Variants in TRIM2 observed in about 807,000 individuals in gnomAD.
The protein encoded by TRIM2 is tripartite motif-containing protein 2.
Under a neutral mutation model 75.2 loss-of-function variants are expected in TRIM2, and 20 were observed. The ratio of observed to expected loss-of-function variants is 0.27; its 90% confidence interval spans 0.19 to 0.39. The LOEUF (loss-of-function observed/expected upper bound fraction) is 0.39, where lower values mean the gene tolerates loss of function less well. TRIM2 is among the 10% of genes least tolerant of loss of function. The pLI is 1.00. For synonymous variants in TRIM2, 373 were observed against 388.3 expected (o/e 0.96, Z 0.46); for missense variants, 660 against 990.8 (o/e 0.67, Z 4.48).
intron 1 of TRIM2, among the ~76,000 whole-genome samples, chr4:153,156,478 C>T (rs1027352734): frequency 3.3e-5 from 5 of 152,154 alleles, no homozygotes; most frequent in African/African-American, 1.2e-4. Context: ...TCCCCCACAT[C>T]CGCCACTCAC....
intron 1 of TRIM2, among the ~76,000 whole-genome samples, chr4:153,162,337 G>A (rs754457714): frequency 6.6e-6 from 1 of 152,180 alleles, no homozygotes; most frequent in African/African-American, 2.4e-5. Context: ...AGTCCAATCT[G>A]TAGGATGGGG....
chr4:153,267,757 CTCTT>C (rs145405426), intron 1 of TRIM2, among the ~76,000 whole-genome samples: 12,671 of 151,942 alleles, frequency 0.083, 678 homozygotes, highest in Middle Eastern at 0.13. Context: ...TTCCTTCTCT[CTCTT>C]TCTTTTCCTT....
At chr4:153,259,695 A>T (rs1752934566) in intron 1 of TRIM2, among the ~76,000 whole-genome samples, 1 of 152,144 alleles carries the variant, frequency 6.6e-6, no homozygotes, top group Admixed American at 6.6e-5. Context: ...TTTATTACTT[A>T]TATAAAGGCT....
intron 1 of TRIM2, among the ~76,000 whole-genome samples, chr4:153,230,606 A>AAT (rs1293702449): frequency 6.6e-6 from 1 of 152,248 alleles, no homozygotes; most frequent in Non-Finnish European, 1.5e-5. Context: ...AAATATGGGG[A>AAT]CTGTCAGTTT....
At chr4:153,241,859 T>C (rs1201143831) in intron 1 of TRIM2, among the ~76,000 whole-genome samples, 1 of 152,212 alleles carries the variant, frequency 6.6e-6, no homozygotes, top group Non-Finnish European at 1.5e-5. Flanking sequence ...CCCAGGATGC[T>C]GCTAGGAGAG....
Position 153,188,214 on chromosome 4 carries a change from C to A in TRIM2, c.-49+34944C>A, listed in dbSNP as rs541776441. On this transcript the variant is annotated intron_variant, in intron 1 of 11. Transcript: ENST00000437508. ...GTGGCTCACGCCTGTAATCCTAACA[C>A]CTTGGGAGTCTTCAGTGGGTGGATT... 3.9e-5 allele frequency among the ~76,000 whole-genome samples: 6 copies of A among 152,282 alleles called. No homozygotes were observed. The East Asian group carries it at 9.6e-4, about 24-fold the overall frequency.
intron 1 of TRIM2, among the ~76,000 whole-genome samples, chr4:153,265,920 A>G (rs1442860354): frequency 6.6e-6 from 1 of 152,180 alleles, no homozygotes; most frequent in Non-Finnish European, 1.5e-5. Context: ...GGTTTTGATT[A>G]AGACAGACAA....
At chr4:153,310,746 G>A (rs533935752) in intron 6 of TRIM2, among the ~76,000 whole-genome samples, 1 of 152,282 alleles carries the variant, frequency 6.6e-6, no homozygotes, top group East Asian at 1.9e-4. Flanking sequence ...AAGCCATAGA[G>A]CTTAAAGAAA....
chr4:153,333,456 A>G (rs1771941990), intron 11 of TRIM2, among the ~76,000 whole-genome samples: 1 of 152,210 alleles, frequency 6.6e-6, no homozygotes, highest in African/African-American at 2.4e-5. Context: ...AAGTCAATGT[A>G]TTGGGTTTTG....
At chr4:153,326,979 C>CAAAAAAAAAAA (rs10718802) in intron 10 of TRIM2, among the ~76,000 whole-genome samples, 1 of 98,978 alleles carries the variant, frequency 1.0e-5, no homozygotes, top group African/African-American at 3.6e-5. Context: ...GACTCCATCT[C>CAAAAAAAAAAA]AAAAAAAAAA....
chr4:153,320,488 G>A (rs1057325375), intron 8 of TRIM2, among the ~76,000 whole-genome samples: 7 of 152,138 alleles, frequency 4.6e-5, no homozygotes, highest in Non-Finnish European at 8.8e-5. Context: ...ATAACTTTTT[G>A]GGTTTTCTAA....
intron 3 of TRIM2, among the ~76,000 whole-genome samples, chr4:153,279,148 A>G (rs1321851423): frequency 6.6e-6 from 1 of 152,194 alleles, no homozygotes; most frequent in Non-Finnish European, 1.5e-5. Flanking sequence ...CAAATGAGAG[A>G]TAAGAGATGG....
Position 153,320,734 on chromosome 4 carries a change from G to C in TRIM2, c.1783-1914G>C, listed in dbSNP as rs148271664. Among the ~76,000 whole-genome samples the C allele has an allele frequency of 2.7e-4, 41 of 152,288 alleles. 1 individual carries two copies. The East Asian group carries it at 5.2e-3, about 19-fold the overall frequency. On this transcript the variant is annotated intron_variant, in intron 8 of 11. Coordinates refer to ENST00000338700, the MANE Select transcript of TRIM2 (RefSeq NM_015271.5). ...TGCAACCTTCATCTCCCAGGTTCAAGTGATTCTCCTGCCTCAGCCTCCTGA... is the reference window on the plus strand; with the variant it reads ...TGCAACCTTCATCTCCCAGGTTCAACTGATTCTCCTGCCTCAGCCTCCTGA...
chr4:153,262,110 C>A (rs569888758), intron 1 of TRIM2, among the ~76,000 whole-genome samples: 1 of 152,312 alleles, frequency 6.6e-6, no homozygotes, highest in East Asian at 1.9e-4. Context: ...TATTTTCATG[C>A]ATATGTGTCT....
intron 1 of TRIM2, among the ~76,000 whole-genome samples, chr4:153,246,912 G>A (rs138023950): frequency 3.9e-5 from 6 of 152,310 alleles, no homozygotes; most frequent in Non-Finnish European, 8.8e-5. Flanking sequence ...TCCTGGCACT[G>A]GTCCAGATGC....
intron 6 of TRIM2, chr4:153,308,221 C>A: frequency 6.8e-7 from 1 of 1,477,178 alleles, no homozygotes. Flanking sequence ...ACAGAGCCAT[C>A]CTCTGCTCTT....
intron 1 of TRIM2, among the ~76,000 whole-genome samples, chr4:153,179,822 C>T (rs916286157): frequency 3.9e-5 from 6 of 152,134 alleles, no homozygotes; most frequent in African/African-American, 1.4e-4. Context: ...ACACTTGGGC[C>T]GTCGTGGCCC....
intron 1 of TRIM2, among the ~76,000 whole-genome samples, chr4:153,241,246 T>C (rs1402970436): frequency 6.6e-6 from 1 of 152,206 alleles, no homozygotes; most frequent in African/African-American, 2.4e-5. Flanking sequence ...CAGGAGTACC[T>C]GGTCTAGGAG....
chr4:153,205,683 A>T (rs1735219072), intron 1 of TRIM2, among the ~76,000 whole-genome samples: 2 of 152,164 alleles, frequency 1.3e-5, no homozygotes, highest in Non-Finnish European at 2.9e-5. Context: ...ATGGGACTTT[A>T]ATACATTTAA....
Sources: allele counts gnomAD v4.1 joint callset (sites outside exome capture counted in the v4.1 genomes callset), GRCh38; gene constraint gnomAD v4.1.1; transcripts MANE v1.5; gene names NCBI Gene and HGNC (gene_info 2026-07-23, HGNC 2026-07-21).